ZDHHC21: variants seen among roughly 807,000 people sequenced by gnomAD.
ZDHHC21 encodes zDHHC palmitoyltransferase 21, also known as palmitoyltransferase ZDHHC21.
ZDHHC21 carries 15 observed loss-of-function variants against 34.6 expected under a neutral mutation model. The ratio of observed to expected loss-of-function variants is 0.43; its 90% CI spans 0.29 to 0.67. The LOEUF (loss-of-function observed/expected upper bound fraction) is 0.67. Among genes scored for constraint, ZDHHC21 ranks in the 30% least tolerant of loss-of-function variants. The pLI, the probability that ZDHHC21 is intolerant of heterozygous loss-of-function variation, is 0.14. For missense variants in ZDHHC21, 344 were observed against 327.7 expected, an observed-to-expected ratio of 1.05 and a Z score of -0.38; for synonymous variants, 142 against 101.8, an observed-to-expected ratio of 1.40 and a Z score of -2.38.
chr9:14,607,541 T>G (rs1423411702), downstream of ZDHHC21, among the ~76,000 whole-genome samples: 2 of 144,328 alleles, frequency 1.4e-5, no homozygotes, highest in Non-Finnish European at 3.0e-5. Flanking sequence ...TAGCTACTTT[T>G]GGGGAGGAGG....
intron 7 of ZDHHC21, among the ~76,000 whole-genome samples, chr9:14,654,227 A>C (rs60001745): frequency 0.061 from 9,270 of 152,150 alleles, 346 homozygotes; most frequent in Admixed American, 0.12. Context: ...CTAGTCTTTC[A>C]CAAAGACAAA....
chr9:14,646,435 T>A lies in ZDHHC21; in HGVS notation c.505-6423A>T, dbSNP rs901213402. Among the ~76,000 whole-genome samples the A allele has an allele frequency of 2.6e-5, 4 of 152,056 alleles. 1 individual carries two copies. The highest frequency in any genetic ancestry group is 9.7e-5 in the African/African-American group (4 of 41,398). ...GAAAACCAAACTCTTAAAATACATA[T>A]AAAACATAAAAGTTAGTTATAAATG... is the stretch of plus-strand genomic sequence containing the variant. On this transcript the variant is annotated intron_variant, in intron 7 of 9. Coordinates refer to ENST00000380916, the MANE Select transcript of ZDHHC21 (RefSeq NM_178566.6).
At chr9:14,640,948 C>A (rs576092104) in intron 7 of ZDHHC21, among the ~76,000 whole-genome samples, 2 of 152,228 alleles carry the variant, frequency 1.3e-5, no homozygotes, top group South Asian at 2.1e-4. Flanking sequence ...AGATGAAGAA[C>A]TAAGACTTCT....
chr9:14,604,347 G>A, the ZDHHC21 span, among the ~76,000 whole-genome samples: 1 of 151,946 alleles, frequency 6.6e-6, no homozygotes, highest in African/African-American at 2.4e-5. Flanking sequence ...TATAATGAAT[G>A]GCCCAAATCT....
At chr9:14,593,101 T>G in the ZDHHC21 span, among the ~76,000 whole-genome samples, 1 of 151,564 alleles carries the variant, frequency 6.6e-6, no homozygotes, top group Admixed American at 6.6e-5. Context: ...TCTCAAAAAG[T>G]AAACTCAAAG....
chr9:14,626,490 TTTC>T (rs1826224725), intron 8 of ZDHHC21, among the ~76,000 whole-genome samples: 1 of 151,960 alleles, frequency 6.6e-6, no homozygotes, highest in African/African-American at 2.4e-5. Flanking sequence ...TAGAAAAAGA[TTTC>T]TTTTTAATTA....
At position 14,611,320 on chromosome 9, in the gene ZDHHC21, T is replaced by C. The variant is rs537046528; in HGVS notation, c.*7646A>G. On this transcript the variant is annotated 3_prime_UTR_variant, in exon 10 of 10. Coordinates refer to ENST00000380916, the MANE Select transcript of ZDHHC21 (RefSeq NM_178566.6). ...TTCATCTAAACAAATACATCTCAGC[T>C]ACATGGTTCCCACTTGTCATTTCAC... 4 of 152,114 alleles carry C rather than the reference T, an allele frequency of 2.6e-5. No individual in the cohort carries two copies. Among genetic ancestry groups the C allele is most frequent in the Admixed American group, 6.6e-5 (1 of 15,236 alleles). 9.4% of individuals were successfully genotyped at this position (152,114 alleles called of 1,614,324 possible). A position where few individuals can be genotyped will look rare whatever the true frequency, so the allele number is the denominator to read the frequency against.
intron 7 of ZDHHC21, among the ~76,000 whole-genome samples, chr9:14,645,612 T>C (rs1203363352): frequency 1.3e-5 from 2 of 151,986 alleles, no homozygotes; most frequent in African/African-American, 2.4e-5. Flanking sequence ...TACATTAAAA[T>C]TTAAAACCTC....
chr9:14,610,209 G>C (rs1463296370), downstream of ZDHHC21, among the ~76,000 whole-genome samples: 1 of 151,998 alleles, frequency 6.6e-6, no homozygotes, highest in South Asian at 2.1e-4. Context: ...GGGGCCTGCA[G>C]TAATTTTTAT....
At chr9:14,686,105 A>C (rs1236043467) in intron 2 of ZDHHC21, among the ~76,000 whole-genome samples, 1 of 152,120 alleles carries the variant, frequency 6.6e-6, no homozygotes, top group Non-Finnish European at 1.5e-5. Context: ...CCTAATGTAA[A>C]TGACGAGTTA....
At chr9:14,605,209 T>C in the ZDHHC21 span, among the ~76,000 whole-genome samples, 3 of 151,912 alleles carry the variant, frequency 2.0e-5, no homozygotes, top group Non-Finnish European at 2.9e-5. Context: ...GTTTCATTTT[T>C]TTTTTTTTTA....
chr9:14,688,562 A>G (rs1452733005), intron 2 of ZDHHC21, among the ~76,000 whole-genome samples: 1 of 144,382 alleles, frequency 6.9e-6, no homozygotes, highest in East Asian at 1.9e-4. Flanking sequence ...GCCACTAGTT[A>G]AAAAACAAAC....
At chr9:14,670,029 AC>A (rs1444409471) in intron 5 of ZDHHC21, among the ~76,000 whole-genome samples, 1 of 151,932 alleles carries the variant, frequency 6.6e-6, no homozygotes, top group African/African-American at 2.4e-5. Context: ...ACAAAAAAAA[AC>A]AAAACAAACA....
intron 1 of ZDHHC21, among the ~76,000 whole-genome samples, chr9:14,690,866 A>C (rs773741407): frequency 6.6e-6 from 1 of 152,214 alleles, no homozygotes; most frequent in Non-Finnish European, 1.5e-5. Flanking sequence ...CTTTAATAAG[A>C]GTTATTTAAG....
intron 2 of ZDHHC21, among the ~76,000 whole-genome samples, chr9:14,681,486 G>A (rs559052252): frequency 6.6e-6 from 1 of 152,264 alleles, no homozygotes; most frequent in South Asian, 2.1e-4. Flanking sequence ...GTTAAACCAT[G>A]CCAGTGAGTT....
chr9:14,686,924 G>C (rs1452913158), intron 2 of ZDHHC21, among the ~76,000 whole-genome samples: 1 of 148,818 alleles, frequency 6.7e-6, no homozygotes, highest in Admixed American at 6.6e-5. Flanking sequence ...AGTGAGCAGA[G>C]ACTGTACTAC....
rs563858228 is a variant in ZDHHC21, at chr9:14,614,628, T to C, written c.*4338A>G. ...ATAGAGCACAATGAAATCTGTGATT[T>C]ATAATAAATTCAGAGGATGATTTCT... On this transcript the variant is annotated 3_prime_UTR_variant, in exon 10 of 10. Transcript: ENST00000380916. 6.6e-6 allele frequency: 1 copy of C among 151,872 alleles called. No individual in the cohort carries two copies. Among genetic ancestry groups the C allele is most frequent in the East Asian group, 1.9e-4 (1 of 5,180 alleles). 9.4% of individuals were successfully genotyped at this position (151,872 alleles called of 1,614,324 possible).
chr9:14,630,621 C>A (rs935913295), intron 8 of ZDHHC21, among the ~76,000 whole-genome samples: 1 of 152,200 alleles, frequency 6.6e-6, no homozygotes, highest in African/African-American at 2.4e-5. Flanking sequence ...TCAGAGGAAT[C>A]ACTGTCTACA....
At chr9:14,607,794 C>A (rs1564156751), downstream of ZDHHC21, among the ~76,000 whole-genome samples, 1 of 152,158 alleles carries the variant, frequency 6.6e-6, no homozygotes, top group Non-Finnish European at 1.5e-5. Context: ...GAAGACTCTA[C>A]AGGGCTTTGA....
Sources: gnomAD v4.1 joint callset for allele counts (sites outside exome capture counted in the v4.1 genomes callset) on GRCh38, gnomAD v4.1.1 for gene constraint, MANE v1.5 for transcripts, NCBI Gene and HGNC (gene_info 2026-07-23, HGNC 2026-07-21) for gene names.